GSE1: variants seen among roughly 807,000 people sequenced by gnomAD.
The protein encoded by GSE1 is Gse1 coiled-coil protein.
GSE1 carries 32 observed loss-of-function variants against 112.6 expected under a neutral mutation model. That is an observed-to-expected ratio of 0.28 (90% CI 0.21 to 0.38). GSE1 has a LOEUF of 0.38. GSE1 is among the 10% of genes least tolerant of loss of function. The probability of loss-of-function intolerance (pLI) is 1.00; values close to 1 mark genes in which losing one functional copy is unlikely to be tolerated. For missense variants in GSE1, 2,348 were observed against 1,699.2 expected, an observed-to-expected ratio of 1.38 and a Z score of -6.71; for synonymous variants, 1,115 against 735.6, an observed-to-expected ratio of 1.52 and a Z score of -8.35.
At chr16:85,321,884 C>T (rs1227882278) in intron 1 of GSE1, among the ~76,000 whole-genome samples, 1 of 152,114 alleles carries the variant, frequency 6.6e-6, no homozygotes, top group Non-Finnish European at 1.5e-5. Flanking sequence ...GCCTCGGACA[C>T]TGAGGCTCCT....
intron 1 of GSE1, among the ~76,000 whole-genome samples, chr16:85,191,614 G>C (rs2074822737): frequency 6.6e-6 from 1 of 152,160 alleles, no homozygotes; most frequent in Non-Finnish European, 1.5e-5. Flanking sequence ...AGTTGAGATG[G>C]AACTCTACGT....
At chr16:85,460,174 C>CT (rs2049934017) in intron 2 of GSE1, among the ~76,000 whole-genome samples, 1 of 152,234 alleles carries the variant, frequency 6.6e-6, no homozygotes. Flanking sequence ...GCCTGAAACA[C>CT]CAAGTGTGTT....
intron 1 of GSE1, among the ~76,000 whole-genome samples, chr16:85,302,129 G>C (rs2968426): frequency 0.82 from 125,015 of 152,136 alleles, 51,769 homozygotes; most frequent in East Asian, 0.93. Context: ...TTCCCGTCTT[G>C]GAATGTCACC....
intron 1 of GSE1, among the ~76,000 whole-genome samples, chr16:85,186,368 G>A (rs2074702019): frequency 6.6e-6 from 1 of 152,074 alleles, no homozygotes; most frequent in African/African-American, 2.4e-5. Context: ...ATTTTACGAG[G>A]CCGAGGCAGG....
At chr16:85,533,019 C>T (rs1199685527) in intron 2 of GSE1, among the ~76,000 whole-genome samples, 2 of 152,228 alleles carry the variant, frequency 1.3e-5, no homozygotes, top group African/African-American at 4.8e-5. Context: ...GTGTCGGCCG[C>T]TGCCTGTCAA....
At chr16:85,248,015 G>A (rs967191873) in intron 1 of GSE1, among the ~76,000 whole-genome samples, 5 of 152,244 alleles carry the variant, frequency 3.3e-5, no homozygotes, top group African/African-American at 1.2e-4. Flanking sequence ...GGGTGACCCT[G>A]GCTTTAAAAG....
chr16:85,284,941 G>C (rs1033160583), intron 1 of GSE1: 20 of 152,178 alleles, frequency 1.3e-4, no homozygotes, highest in African/African-American at 4.8e-4. Flanking sequence ...AAACCTAGAG[G>C]GGACAATGGA....
intron 1 of GSE1, among the ~76,000 whole-genome samples, chr16:85,176,010 A>C (rs1171489959): frequency 6.6e-6 from 1 of 151,190 alleles, no homozygotes; most frequent in Non-Finnish European, 1.5e-5. Context: ...TTGTTTTGAG[A>C]CAGGGTCTCA....
At chr16:85,212,844 G>A (rs2075248439) in intron 1 of GSE1, among the ~76,000 whole-genome samples, 1 of 152,148 alleles carries the variant, frequency 6.6e-6, no homozygotes, top group Admixed American at 6.5e-5. Flanking sequence ...AGAACAAACT[G>A]TAGCTGGGTG....
At chr16:85,261,828 T>G (rs1907722208) in intron 1 of GSE1, among the ~76,000 whole-genome samples, 1 of 152,212 alleles carries the variant, frequency 6.6e-6, no homozygotes, top group Non-Finnish European at 1.5e-5. Flanking sequence ...TGCCTGTGTT[T>G]CTGCAGCTGG....
intron 2 of GSE1, among the ~76,000 whole-genome samples, chr16:85,393,692 A>G (rs1001945154): frequency 1.3e-5 from 2 of 152,146 alleles, no homozygotes; most frequent in African/African-American, 4.8e-5. Context: ...AAGGCAGGGG[A>G]CCTGCACCCA....
chr16:85,322,139 C>T (rs994872339), intron 1 of GSE1, among the ~76,000 whole-genome samples: 1 of 152,252 alleles, frequency 6.6e-6, no homozygotes, highest in Admixed American at 6.5e-5. Flanking sequence ...CCAAGGCGCT[C>T]AGAGCAGTGT....
At chr16:85,436,989 G>A (rs941808281) in intron 2 of GSE1, among the ~76,000 whole-genome samples, 2 of 152,218 alleles carry the variant, frequency 1.3e-5, no homozygotes, top group African/African-American at 4.8e-5. Flanking sequence ...AGGTCGACGC[G>A]GCGGAGCCCG....
chr16:85,667,765 A>G (rs759487882), intron 13 of GSE1, among the ~76,000 whole-genome samples: 1 of 152,226 alleles, frequency 6.6e-6, no homozygotes, highest in Non-Finnish European at 1.5e-5. Context: ...AGGCTGAGGC[A>G]GGAGAATTGC....
Position 85,259,548 on chromosome 16 carries a change from G to T in GSE1, c.2283+87741G>T, listed in dbSNP as rs577067226. ...CCCAGGGCAGCCAGGGCACAGAGAG[G>T]GTGGGCAGCTGCACAGAGCTGCCCA... On this transcript the variant is annotated intron_variant, in intron 1 of 2. Coordinates refer to the GSE1 transcript ENST00000637419. Among the ~76,000 whole-genome samples, 5 of 152,378 alleles carry T rather than the reference G, an allele frequency of 3.3e-5. 1 individual carries two copies. In the East Asian group the frequency reaches 9.6e-4, roughly 29 times the overall value.
intron 2 of GSE1, among the ~76,000 whole-genome samples, chr16:85,397,660 G>A (rs935835927): frequency 6.6e-6 from 1 of 152,202 alleles, no homozygotes; most frequent in African/African-American, 2.4e-5. Flanking sequence ...GGTGCGGGAG[G>A]CACCACCTGC....
intron 1 of GSE1, among the ~76,000 whole-genome samples, chr16:85,590,446 T>A (rs185595857): frequency 1.4e-5 from 2 of 142,138 alleles, no homozygotes; most frequent in African/African-American, 4.9e-5. Flanking sequence ...AGTGTGAGCA[T>A]GTGTGATTGT....
At chr16:85,296,326 C>T (rs185783526) in intron 1 of GSE1, among the ~76,000 whole-genome samples, 20 of 152,208 alleles carry the variant, frequency 1.3e-4, no homozygotes, top group African/African-American at 4.6e-4. Flanking sequence ...AACAAAGGGC[C>T]GGGTGCAGTG....
chr16:85,324,157 A>G (rs891577880), intron 1 of GSE1, among the ~76,000 whole-genome samples: 3 of 152,216 alleles, frequency 2.0e-5, no homozygotes, highest in Non-Finnish European at 4.4e-5. Context: ...AGCTCCTCAG[A>G]TGATGAACTT....
Sources: gnomAD v4.1 joint callset for allele counts (sites outside exome capture counted in the v4.1 genomes callset) on GRCh38, gnomAD v4.1.1 for gene constraint, MANE v1.5 for transcripts, NCBI Gene and HGNC (gene_info 2026-07-23, HGNC 2026-07-21) for gene names.